Variants in BNC2 observed in about 807,000 individuals in gnomAD.
The protein encoded by BNC2 is zinc finger protein basonuclin-2.
Under a neutral mutation model 76.3 loss-of-function variants are expected in BNC2, and 20 were observed. That is an observed-to-expected ratio of 0.26 (90% CI 0.18 to 0.38). BNC2 has a LOEUF of 0.38. Among genes scored for constraint, BNC2 ranks in the 10% least tolerant of loss-of-function variants. The probability of loss-of-function intolerance (pLI) is 1.00; values close to 1 mark genes in which losing one functional copy is unlikely to be tolerated. For missense variants in BNC2, 1,382 were observed against 1,399.8 expected (o/e 0.99, Z 0.20); for synonymous variants, 582 against 514.8 (o/e 1.13, Z -1.77).
chr9:16,491,102 C>T (rs1218373912), intron 5 of BNC2, among the ~76,000 whole-genome samples: 1 of 152,136 alleles, frequency 6.6e-6, no homozygotes, highest in Non-Finnish European at 1.5e-5. Context: ...AGAATAGAGA[C>T]TGATACCTGA....
chr9:16,822,928 A>T (rs1184187568), intron 1 of BNC2, among the ~76,000 whole-genome samples: 3 of 152,188 alleles, frequency 2.0e-5, no homozygotes, highest in African/African-American at 4.8e-5. Flanking sequence ...ATTGAACTTA[A>T]TATTATTTAG....
chr9:16,728,294 G>C (rs373906124), intron 2 of BNC2: 2 of 468,762 alleles, frequency 4.3e-6, no homozygotes, highest in Non-Finnish European at 7.8e-6. Flanking sequence ...TTGGATAGCA[G>C]AGCTAAGAGT....
intron 3 of BNC2, among the ~76,000 whole-genome samples, chr9:16,601,371 G>C (rs1307595022): frequency 6.6e-6 from 1 of 152,148 alleles, no homozygotes; most frequent in African/African-American, 2.4e-5. Context: ...GGTACCAGAA[G>C]AGGCAGGGAA....
rs116346492 is a variant in BNC2 at position 16,627,104 on chromosome 9, T to C, written c.331-44019A>G. Among the ~76,000 whole-genome samples the C allele has an allele frequency of 9.1e-3, 1,380 of 152,274 alleles. 31 individuals carry two copies. The highest frequency in any genetic ancestry group is 0.074 in the South Asian group (359 of 4,830). Reference sequence around the variant, plus strand: ...TTTATCCTGCAGCCAGTTGAGCTAATTGTCAGAGACAGACCTGGTTCTAAT... The same window carrying C: ...TTTATCCTGCAGCCAGTTGAGCTAACTGTCAGAGACAGACCTGGTTCTAAT... On this transcript the variant is annotated intron_variant, in intron 3 of 6. Coordinates refer to ENST00000380672, the MANE Select transcript of BNC2 (RefSeq NM_017637.6).
chr9:16,464,723 A>T (rs1174694328), intron 5 of BNC2, among the ~76,000 whole-genome samples: 1 of 152,094 alleles, frequency 6.6e-6, no homozygotes, highest in African/African-American at 2.4e-5. Context: ...CGCCTGGCTA[A>T]TTTTTGTATT....
Position 16,817,029 on chromosome 9 carries a change from G to A in BNC2, c.3+53617C>T, listed in dbSNP as rs188858123. Among the ~76,000 whole-genome samples the A allele has an allele frequency of 1.9e-3, 290 of 152,212 alleles. 1 individual carries two copies. The highest frequency in any genetic ancestry group is 9.3e-3 in the South Asian group (45 of 4,822). ...AAGTGGAGAGGGTGAAGAGGCAGCC[G>A]CCTTTCCATTTAGGAAAACCTTCCT... On this transcript the variant is annotated intron_variant, in intron 1 of 6. Coordinates refer to ENST00000380672, the MANE Select transcript of BNC2 (RefSeq NM_017637.6).
At chr9:16,586,000 G>A (rs943163791) in intron 3 of BNC2, among the ~76,000 whole-genome samples, 3 of 152,170 alleles carry the variant, frequency 2.0e-5, no homozygotes, top group Non-Finnish European at 4.4e-5. Context: ...TAGTATTCAG[G>A]TCTGGGTAAA....
chr9:16,677,756 G>A (rs746926566), intron 3 of BNC2, among the ~76,000 whole-genome samples: 4 of 152,092 alleles, frequency 2.6e-5, no homozygotes, highest in Admixed American at 6.5e-5. Context: ...CTTCTAGCTG[G>A]CTTTCACTAA....
intron 3 of BNC2, among the ~76,000 whole-genome samples, chr9:16,678,261 C>CTTTTT (rs1587306864): frequency 1.3e-5 from 1 of 75,888 alleles, no homozygotes. Flanking sequence ...TGTTTTCTTT[C>CTTTTT]TTTTTCTTTT....
chr9:16,475,322 T>A (rs1171202774), intron 5 of BNC2, among the ~76,000 whole-genome samples: 2 of 152,218 alleles, frequency 1.3e-5, no homozygotes, highest in Non-Finnish European at 2.9e-5. Flanking sequence ...ATGGCTATGT[T>A]TTTTAAAACA....
At chr9:16,846,387 C>G (rs1818984267) in intron 1 of BNC2, among the ~76,000 whole-genome samples, 1 of 152,168 alleles carries the variant, frequency 6.6e-6, no homozygotes, top group Non-Finnish European at 1.5e-5. Context: ...TAAGAAAAGT[C>G]ATCGTATTTC....
chr9:16,592,152 A>G (rs1258053213), intron 3 of BNC2, among the ~76,000 whole-genome samples: 1 of 152,118 alleles, frequency 6.6e-6, no homozygotes, highest in Non-Finnish European at 1.5e-5. Flanking sequence ...AATGTTATGA[A>G]CCAAAGAAAT....
At chr9:16,738,577 T>C in intron 1 of BNC2, 92 bp from the exon 2 acceptor site, 3 of 1,391,404 alleles carry the variant, frequency 2.2e-6, no homozygotes, top group Non-Finnish European at 3.0e-6. Context: ...ATTGCAAATA[T>C]AACACACCAA....
chr9:16,852,315 T>C (rs546442355), intron 1 of BNC2, among the ~76,000 whole-genome samples: 15 of 152,270 alleles, frequency 9.9e-5, no homozygotes, highest in South Asian at 2.1e-4. Context: ...TGCATACCCC[T>C]TGAAGTGTTT....
intron 5 of BNC2, among the ~76,000 whole-genome samples, chr9:16,476,409 A>G (rs1383364454): frequency 6.6e-6 from 1 of 152,044 alleles, no homozygotes; most frequent in Non-Finnish European, 1.5e-5. Context: ...TCAGCAGGCC[A>G]TGCTTCTCCA....
chr9:16,646,279 G>C (rs1286498598), intron 3 of BNC2, among the ~76,000 whole-genome samples: 3 of 152,188 alleles, frequency 2.0e-5, no homozygotes, highest in African/African-American at 7.2e-5. Flanking sequence ...GTAAAAAAGT[G>C]AAAGTCTGAT....
At chr9:16,764,916 G>A (rs991020668) in intron 1 of BNC2, among the ~76,000 whole-genome samples, 3 of 151,440 alleles carry the variant, frequency 2.0e-5, no homozygotes, top group Admixed American at 6.6e-5. Context: ...AAGGAGGGAG[G>A]AGGGATGGGG....
In BNC2 at chr9:16,414,207, G is replaced by A. The variant is rs1820535607; in HGVS notation, c.*4782C>T. 6.6e-6 allele frequency: 1 copy of A among 152,110 alleles called. No individual in the cohort carries two copies. The highest frequency in any genetic ancestry group is 2.4e-5 in the African/African-American group (1 of 41,390). The allele number at this position is 152,110 out of a possible 1,614,324, so 9.4% of individuals were successfully genotyped here. On this transcript the variant is annotated 3_prime_UTR_variant, in exon 7 of 7. Transcript: ENST00000380672. ...TCATAGGAACTCTGCAGGTCCCTAC[G>A]ATCAATACGCTCTCACCCACTGCGA...
At chr9:16,476,069 C>G (rs1414607386) in intron 5 of BNC2, 1 of 152,118 alleles carries the variant, frequency 6.6e-6, no homozygotes, top group South Asian at 2.1e-4. Flanking sequence ...CTGATGAGAA[C>G]GAGGAGTTTT....
Sources: allele counts gnomAD v4.1 joint callset (sites outside exome capture counted in the v4.1 genomes callset), GRCh38; gene constraint gnomAD v4.1.1; transcripts MANE v1.5; gene names NCBI Gene and HGNC (gene_info 2026-07-23, HGNC 2026-07-21).